ADCY2: variants seen among roughly 807,000 people sequenced by gnomAD.
The protein encoded by ADCY2 is adenylate cyclase 2, also known as adenylate cyclase type 2.
Under a neutral mutation model 125.2 loss-of-function variants are expected in ADCY2, and 31 were observed. The ratio of observed to expected loss-of-function variants is 0.25; its 90% confidence interval spans 0.19 to 0.33. ADCY2 has a LOEUF of 0.33. Ranked by LOEUF, ADCY2 falls within the 10% of genes least tolerant of loss-of-function variation. ADCY2 has a pLI of 1.00. For synonymous variants in ADCY2, 512 were observed against 548.4 expected (o/e 0.93, Z 0.93); for missense variants, 904 against 1,418.2 (o/e 0.64, Z 5.82).
At chr5:7,639,108 T>C (rs1198167232) in intron 4 of ADCY2, among the ~76,000 whole-genome samples, 1 of 152,168 alleles carries the variant, frequency 6.6e-6, no homozygotes, top group Non-Finnish European at 1.5e-5. Context: ...AATTGCCCAG[T>C]CTCGGGTATG....
intron 3 of ADCY2, among the ~76,000 whole-genome samples, chr5:7,585,098 C>T (rs1317993105): frequency 6.6e-6 from 1 of 152,162 alleles, no homozygotes; most frequent in Non-Finnish European, 1.5e-5. Context: ...ATTTCACCAT[C>T]ATTAACTATA....
At chr5:7,804,487 G>A (rs1463455364) in intron 21 of ADCY2, 98 bp from the exon 22 acceptor site, 12 of 937,984 alleles carry the variant, frequency 1.3e-5, no homozygotes, top group Non-Finnish European at 2.1e-5. Context: ...ACAAGTCACG[G>A]CATTACTGTG....
Position 7,709,375 on chromosome 5 carries a change from G to A in ADCY2, c.1566G>A (p.Lys522=). The change falls in exon 10 of 25, where the codon AAG becomes AAA. Residue 522 remains lysine (K), a synonymous_variant. Transcript: ENST00000338316. The surrounding 1 kb of genome is among the most constrained non-coding windows in gnomAD (Gnocchi z 4.4). ...ACAGCATGACCACAGAGAACGGCAA[G>A]ATCAGCACCACGGTATGCCCTCCCC... ...HRDSMTTENG[K]ISTTDVPMGQ... 1 of 1,603,466 alleles carries A rather than the reference G, an allele frequency of 6.2e-7. No homozygotes were observed. The highest frequency in any genetic ancestry group is 8.5e-7 in the Non-Finnish European group (1 of 1,175,174).
intron 2 of ADCY2, among the ~76,000 whole-genome samples, chr5:7,513,180 G>A (rs1165631536): frequency 6.6e-6 from 1 of 151,684 alleles, no homozygotes; most frequent in South Asian, 2.1e-4. Flanking sequence ...GAGAAAAGAA[G>A]TTAAACTTGA....
At chr5:7,541,940 T>A (rs1350493799) in intron 3 of ADCY2, among the ~76,000 whole-genome samples, 3 of 152,236 alleles carry the variant, frequency 2.0e-5, no homozygotes, top group Non-Finnish European at 2.9e-5. Context: ...TGGATAATAA[T>A]GAGTGGGTTA....
chr5:7,418,164 G>C (rs1295443385), intron 2 of ADCY2, among the ~76,000 whole-genome samples: 1 of 152,130 alleles, frequency 6.6e-6, no homozygotes, highest in Non-Finnish European at 1.5e-5. Flanking sequence ...TGTGTACCTT[G>C]ACATTTTTGC....
chr5:7,731,886 A>G (rs1282759607), intron 14 of ADCY2, among the ~76,000 whole-genome samples: 1 of 152,222 alleles, frequency 6.6e-6, no homozygotes, highest in Admixed American at 6.5e-5. Context: ...TACAGGTGTG[A>G]GCCACTATGC....
rs576090467 is a variant in ADCY2, at chr5:7,825,247, T to C, written c.3124-1472T>C. ...GCCACGACAACGCTGCTGTGTGACA[T>C]GACAACGCTGCTGTGTGCCATGACA... On this transcript the variant is annotated intron_variant, in intron 24 of 24. Coordinates refer to ENST00000338316, the MANE Select transcript of ADCY2 (RefSeq NM_020546.3). Among the ~76,000 whole-genome samples, 952 of 127,316 alleles carry C rather than the reference T, an allele frequency of 7.5e-3. 4 individuals carry two copies. The highest frequency in any genetic ancestry group is 0.038 in the African/African-American group (869 of 22,626). The allele number at this position is 127,316 out of a possible 152,430, so 83.5% of individuals were successfully genotyped here.
intron 3 of ADCY2, among the ~76,000 whole-genome samples, chr5:7,572,000 A>G (rs1736080334): frequency 6.6e-6 from 1 of 152,190 alleles, no homozygotes; most frequent in African/African-American, 2.4e-5. Context: ...ATAGTATTCC[A>G]TGGTGTATAT....
chr5:7,458,379 A>G (rs1264689144), intron 2 of ADCY2, among the ~76,000 whole-genome samples: 1 of 152,246 alleles, frequency 6.6e-6, no homozygotes, highest in Non-Finnish European at 1.5e-5. Flanking sequence ...ATTAACTTGC[A>G]TTAACTTGCA....
chr5:7,570,504 T>C (rs1185890710), intron 3 of ADCY2, among the ~76,000 whole-genome samples: 3 of 151,812 alleles, frequency 2.0e-5, no homozygotes, highest in Non-Finnish European at 4.4e-5. Flanking sequence ...TTTTGTCGCC[T>C]CTGGACATGG....
intron 3 of ADCY2, among the ~76,000 whole-genome samples, chr5:7,576,145 G>A (rs574129627): frequency 1.3e-5 from 2 of 152,228 alleles, no homozygotes; most frequent in Non-Finnish European, 2.9e-5. Flanking sequence ...CCATTGGAGC[G>A]GAGCCGAAAA....
At chr5:7,805,913 G>A (rs1744747548) in intron 22 of ADCY2, among the ~76,000 whole-genome samples, 1 of 152,136 alleles carries the variant, frequency 6.6e-6, no homozygotes. Context: ...TCTTCAGGTG[G>A]TTGCCTTCAG....
intron 3 of ADCY2, among the ~76,000 whole-genome samples, chr5:7,577,339 T>C (rs1736282129): frequency 6.6e-6 from 1 of 152,242 alleles, no homozygotes; most frequent in South Asian, 2.1e-4. Context: ...TTCTGTGGTC[T>C]GCAGAGGACT....
intron 20 of ADCY2, chr5:7,798,562 T>G (rs532268292): frequency 4.0e-5 from 6 of 148,824 alleles, no homozygotes; most frequent in Non-Finnish European, 8.8e-5. Flanking sequence ...GGGCAAGAGT[T>G]TTGACTATTT....
At chr5:7,700,410 C>A (rs1465830904) in intron 7 of ADCY2, among the ~76,000 whole-genome samples, 1 of 151,838 alleles carries the variant, frequency 6.6e-6, no homozygotes, top group Non-Finnish European at 1.5e-5. Flanking sequence ...AATAATAAAG[C>A]CTTTTGTTTG....
rs537474582 is a variant in ADCY2 at position 7,703,595 on chromosome 5, C to G, written c.1110-3149C>G. On this transcript the variant is annotated intron_variant, in intron 7 of 24. Transcript: ENST00000338316. The stretch of plus-strand genomic sequence containing the variant: ...TTCCGTTGGTCTATATCTCTGTTTT[C>G]GTACCAGTACCATGCTGTTTTGGTT... 2.0e-3 allele frequency among the ~76,000 whole-genome samples: 305 copies of G among 152,132 alleles called. 1 individual carries two copies. The highest frequency in any genetic ancestry group is 3.4e-3 in the Middle Eastern group (1 of 294).
At chr5:7,645,221 A>AT (rs1292381541) in intron 4 of ADCY2, among the ~76,000 whole-genome samples, 1 of 152,154 alleles carries the variant, frequency 6.6e-6, no homozygotes, top group East Asian at 1.9e-4. Flanking sequence ...AAAGATATAT[A>AT]TTTTTTGAAT....
chr5:7,779,440 C>T (rs1231745643), intron 18 of ADCY2, among the ~76,000 whole-genome samples: 5 of 152,154 alleles, frequency 3.3e-5, no homozygotes, highest in African/African-American at 1.2e-4. Flanking sequence ...ATGCCCCGCC[C>T]AACCACATCA....
Sources: allele counts gnomAD v4.1 joint callset (sites outside exome capture counted in the v4.1 genomes callset), GRCh38; gene constraint gnomAD v4.1.1; non-coding constraint Gnocchi (gnomAD v3.1); transcripts MANE v1.5; gene names NCBI Gene and HGNC (gene_info 2026-07-23, HGNC 2026-07-21).